Variants in COL14A1 observed in about 807,000 individuals in gnomAD.
The protein encoded by COL14A1 is collagen alpha-1(XIV) chain.
In COL14A1, 136 loss-of-function variants were observed where a neutral mutation model predicts 230.3. The observed-to-expected ratio is 0.59, with a 90% CI of 0.51 to 0.68. The LOEUF (loss-of-function observed/expected upper bound fraction) is 0.68, where lower values mean the gene tolerates loss of function less well. COL14A1 is among the 30% of genes least tolerant of loss of function. The pLI is 0.00. For missense variants in COL14A1, 1,976 were observed against 2,215.8 expected (o/e 0.89, Z 2.17); for synonymous variants, 792 against 784.1 (o/e 1.01, Z -0.17).
rs575766441 is a variant in COL14A1 at position 120,279,922 on chromosome 8, C to T, written c.3482-13C>T. The T allele has an allele frequency of 6.2e-7, 1 of 1,610,916 alleles. No individual in the cohort carries two copies. Among genetic ancestry groups the T allele is most frequent in the East Asian group, 2.2e-5 (1 of 44,808 alleles). On this transcript the variant is annotated splice_polypyrimidine_tract_variant and intron_variant, in intron 28 of 47. Transcript: ENST00000297848. The stretch of plus-strand genomic sequence containing the variant: ...TTTAAAGTAATCGGAAATCTGTTCT[C>T]TGTCTGCCACAGGCTATAGCATTTT...
chr8:120,256,296 T>G (rs569934416), intron 23 of COL14A1, among the ~76,000 whole-genome samples: 2 of 152,332 alleles, frequency 1.3e-5, no homozygotes, highest in Admixed American at 1.3e-4. Flanking sequence ...AAGACTGGGT[T>G]TAGTAGCCCA....
intron 22 of COL14A1, 149 bp from the exon 23 acceptor site, chr8:120,255,091 T>G (rs1819100506): frequency 2.9e-6 from 2 of 678,580 alleles, no homozygotes; most frequent in Non-Finnish European, 5.4e-6. Context: ...ACATTTATCT[T>G]TTGTATACTA....
chr8:120,181,270 A>G (rs1816456111), intron 5 of COL14A1, among the ~76,000 whole-genome samples: 1 of 152,216 alleles, frequency 6.6e-6, no homozygotes, highest in Non-Finnish European at 1.5e-5. Context: ...CCAAATGTGC[A>G]CTATTAAGAT....
At chr8:120,229,116 TTA>T (rs1491018261) in intron 18 of COL14A1, among the ~76,000 whole-genome samples, 1 of 150,180 alleles carries the variant, frequency 6.7e-6, no homozygotes, top group African/African-American at 2.4e-5. Flanking sequence ...TTTATTTTAT[TTA>T]TTATTATTAT....
intron 19 of COL14A1, among the ~76,000 whole-genome samples, chr8:120,239,008 G>C (rs1206699291): frequency 6.6e-6 from 1 of 152,214 alleles, no homozygotes. Flanking sequence ...CCCGCCTTCT[G>C]CATTGGTCTC....
In COL14A1 at chr8:120,278,438, A is replaced by G. The variant is rs779940385; in HGVS notation, c.3341A>G (p.Lys1114Arg). Residue 1114 changes from lysine (K) to arginine (R), a missense_variant, in exon 28 of 48, where the codon AAA (lysine) becomes AGA (arginine). This residue lies in a region of COL14A1 where 1,791 missense variants were observed against 2,019.5 expected (regional missense o/e 0.89). Transcript: ENST00000297848. ...SYKGGNTKTGKAIKYVRDTLF... is the reference protein window; with the variant it reads ...SYKGGNTKTGRAIKYVRDTLF... ...CTGTTGCCTTTCTTTGTTTCAGGAA[A>G]AGCAATTAAGTATGTTCGAGATACC... 3.7e-6 allele frequency: 6 copies of G among 1,607,392 alleles called. No homozygotes were observed. The Admixed American group carries it at 1.0e-4, about 27-fold the overall frequency.
chr8:120,327,263 C>A (rs946641876), intron 40 of COL14A1, among the ~76,000 whole-genome samples: 1 of 152,154 alleles, frequency 6.6e-6, no homozygotes, highest in African/African-American at 2.4e-5. Context: ...TCATAATTGT[C>A]CCCTTCTCCA....
At chr8:120,186,185 G>A (rs1013185650) in intron 5 of COL14A1, among the ~76,000 whole-genome samples, 4 of 152,298 alleles carry the variant, frequency 2.6e-5, no homozygotes, top group South Asian at 2.1e-4. Context: ...GTTTCTCGTT[G>A]AGTTTTTGGC....
At chr8:120,253,790 G>A (rs1041810012) in intron 22 of COL14A1, among the ~76,000 whole-genome samples, 11 of 152,044 alleles carry the variant, frequency 7.2e-5, no homozygotes, top group South Asian at 2.1e-4. Flanking sequence ...CGGGTGTGGC[G>A]GCATGCACCT....
chr8:120,324,778 G>T (rs2130170432), intron 40 of COL14A1, among the ~76,000 whole-genome samples: 1 of 152,250 alleles, frequency 6.6e-6, no homozygotes, highest in South Asian at 2.1e-4. Context: ...TATGAATGAA[G>T]AATAGTATAA....
intron 40 of COL14A1, among the ~76,000 whole-genome samples, chr8:120,330,141 T>C (rs1201064890): frequency 6.6e-6 from 1 of 152,108 alleles, no homozygotes; most frequent in Non-Finnish European, 1.5e-5. Context: ...TCCAGCATAA[T>C]TGCAAAGAGG....
intron 5 of COL14A1, among the ~76,000 whole-genome samples, chr8:120,174,180 G>GTATGT (rs1292189781): frequency 6.6e-6 from 1 of 151,588 alleles, no homozygotes; most frequent in African/African-American, 2.4e-5. Flanking sequence ...CTTATCCTTT[G>GTATGT]TATGTTTTCT....
At chr8:120,307,307 A>G (rs1397814877) in intron 36 of COL14A1, among the ~76,000 whole-genome samples, 2 of 152,242 alleles carry the variant, frequency 1.3e-5, no homozygotes, top group East Asian at 1.9e-4. Context: ...AATGAAGCAT[A>G]TATGGAAATC....
chr8:120,218,784 G>T (rs1195256068), intron 14 of COL14A1, among the ~76,000 whole-genome samples: 1 of 152,196 alleles, frequency 6.6e-6, no homozygotes, highest in Non-Finnish European at 1.5e-5. Flanking sequence ...GACGCAGCCA[G>T]TCTCAGCTTC....
chr8:120,162,451 G>T lies in COL14A1; in HGVS notation c.231G>T (p.Leu77=). ...TSGGKTNQLN[L]QNTATKAIIQ... ...GTGGAAAAACTAACCAGCTGAATCT[G>T]CAGAACACTGCAACTAAAGCAATTA... The change falls in exon 4 of 48, where the codon CTG becomes CTT. Residue 77 remains leucine (L), a synonymous_variant. Coordinates refer to ENST00000297848, the MANE Select transcript of COL14A1 (RefSeq NM_021110.4). 6.2e-7 allele frequency: 1 copy of T among 1,608,444 alleles called. No homozygotes were observed. The highest frequency in any genetic ancestry group is 8.5e-7 in the Non-Finnish European group (1 of 1,177,724).
rs539998917 is a variant in COL14A1, at chr8:120,294,418, T to C, written c.4237-3093T>C. On this transcript the variant is annotated intron_variant, in intron 34 of 47. Transcript: ENST00000297848. ...GATTATGAAAAGTGAAAGTGGGAGG[T>C]TTTGTGTCTCTTCCTCTTTTTTTTT... is the stretch of plus-strand genomic sequence containing the variant. Among the ~76,000 whole-genome samples, 378 of 133,312 alleles carry C rather than the reference T, an allele frequency of 2.8e-3. 3 individuals are homozygous for C. The highest frequency in any genetic ancestry group is 0.011 in the African/African-American group (363 of 32,682). 87.5% of individuals were successfully genotyped at this position (133,312 alleles called of 152,430 possible). A position where few individuals can be genotyped will look rare whatever the true frequency, so the allele number is the denominator to read the frequency against.
chr8:120,313,485 A>G (rs537409364), intron 37 of COL14A1, among the ~76,000 whole-genome samples: 1 of 152,194 alleles, frequency 6.6e-6, no homozygotes, highest in Non-Finnish European at 1.5e-5. Flanking sequence ...GGCTAGGTGC[A>G]AAGTTCTCAA....
chr8:120,199,993 G>A (rs1226888150), intron 8 of COL14A1, among the ~76,000 whole-genome samples: 5 of 107,032 alleles, frequency 4.7e-5, no homozygotes, highest in South Asian at 3.1e-4. Flanking sequence ...TTCAAGATTT[G>A]TAGTAGTTCT....
At chr8:120,305,231 C>T (rs7821139) in intron 36 of COL14A1, among the ~76,000 whole-genome samples, 81,742 of 151,616 alleles carry the variant, frequency 0.54, 23,794 homozygotes, top group African/African-American at 0.78. Context: ...CTGCCTGCCT[C>T]GGCCTCCCAA....
Sources: allele counts gnomAD v4.1 joint callset (sites outside exome capture counted in the v4.1 genomes callset), GRCh38; gene constraint gnomAD v4.1.1; regional missense constraint gnomAD v4.1.1; transcripts MANE v1.5; gene names NCBI Gene and HGNC (gene_info 2026-07-23, HGNC 2026-07-21).